The following SPEF2 variants were observed in gnomAD, a reference collection of about 807,000 sequenced individuals.
The protein encoded by SPEF2 is sperm flagella and cilia-associated protein 2.
A neutral mutation model predicts 224.6 loss-of-function variants in SPEF2; 187 were observed. The ratio of observed to expected loss-of-function variants is 0.83; its 90% CI spans 0.74 to 0.94. The LOEUF (loss-of-function observed/expected upper bound fraction) is 0.94. SPEF2 is among the 40% of genes least tolerant of loss of function. The pLI is 0.00. For missense variants in SPEF2, 2,170 were observed against 2,135.6 expected (o/e 1.02, Z -0.32); for synonymous variants, 715 against 707.3 (o/e 1.01, Z -0.17).
rs536748819 is a variant in SPEF2, at chr5:35,662,381, G to C, written c.1167+3174G>C. On this transcript the variant is annotated intron_variant, in intron 8 of 36. Transcript: ENST00000356031. Reference sequence around the variant, plus strand: ...ATTTTCTCCCATTCTGTAGGTTGTTGGTATACTCTGTCAACAGTTTCTTTT... The same window carrying C: ...ATTTTCTCCCATTCTGTAGGTTGTTCGTATACTCTGTCAACAGTTTCTTTT... Among the ~76,000 whole-genome samples, 3 of 151,954 alleles carry C rather than the reference G, an allele frequency of 2.0e-5. No individual in the cohort carries two copies. The East Asian group carries it at 5.8e-4, about 29-fold the overall frequency.
intron 23 of SPEF2, among the ~76,000 whole-genome samples, chr5:35,748,153 C>A (rs1322960348): frequency 6.6e-6 from 1 of 151,926 alleles, no homozygotes; most frequent in Admixed American, 6.6e-5. Flanking sequence ...GTGACACAAC[C>A]TACCAAAACC....
intron 7 of SPEF2, among the ~76,000 whole-genome samples, chr5:35,655,539 C>T (rs1043251703): frequency 6.6e-6 from 1 of 152,134 alleles, no homozygotes; most frequent in African/African-American, 2.4e-5. Context: ...GAGAAGTCCA[C>T]CTGGCTTGCT....
At chr5:35,663,241 A>T (rs1264098973) in intron 8 of SPEF2, among the ~76,000 whole-genome samples, 1 of 152,100 alleles carries the variant, frequency 6.6e-6, no homozygotes, top group Non-Finnish European at 1.5e-5. Flanking sequence ...AGACAATTTC[A>T]TCCACAACCA....
rs1469596430 is a variant in SPEF2, at chr5:35,659,072, G to A, written c.1032G>A (p.Gln344=). 1.9e-6 allele frequency: 3 copies of A among 1,608,568 alleles called. No individual in the cohort carries two copies. The highest frequency in any genetic ancestry group is 2.5e-6 in the Non-Finnish European group (3 of 1,176,548). ...LINRLMRQSQ[Q]ERRIAVQLMH... is the part of the protein sequence containing the mutation. ...ACCGGCTGATGCGGCAGTCCCAGCA[G>A]GAGCGCAGGATTGCCGTGCAGCTCA... Residue 344 remains glutamine (Q), a synonymous_variant, in exon 8 of 37, where the codon CAG becomes CAA. Coordinates refer to ENST00000356031, the MANE Select transcript of SPEF2 (RefSeq NM_024867.4).
intron 6 of SPEF2, among the ~76,000 whole-genome samples, chr5:35,651,704 C>G (rs1015292803): frequency 1.3e-5 from 2 of 152,148 alleles, no homozygotes; most frequent in Admixed American, 6.5e-5. Context: ...TAACTTGACT[C>G]CAGAAGGCAA....
chr5:35,787,744 A>AT, intron 30 of SPEF2: 1 of 510,462 alleles, frequency 2.0e-6, no homozygotes, highest in Non-Finnish European at 3.4e-6. Flanking sequence ...ATGCCTGGTA[A>AT]TTAATAAGCA....
intron 25 of SPEF2, among the ~76,000 whole-genome samples, chr5:35,762,639 C>T (rs1751470261): frequency 1.3e-5 from 2 of 152,302 alleles, no homozygotes; most frequent in Non-Finnish European, 1.5e-5. Context: ...CCTCTAGTTT[C>T]AACAGAGGCA....
At chr5:35,698,042 GGAATTCAATGA>G (rs1755586115) in intron 15 of SPEF2, 1 of 261,204 alleles carries the variant, frequency 3.8e-6, no homozygotes, top group South Asian at 8.6e-5. Context: ...TTACCTGTGG[GGAATTCAATGA>G]GAAATTGAGT....
chr5:35,793,851 C>T (rs1756296873), intron 32 of SPEF2, among the ~76,000 whole-genome samples: 1 of 151,762 alleles, frequency 6.6e-6, no homozygotes, highest in South Asian at 2.1e-4. Flanking sequence ...TTTGAAATAT[C>T]TGTGGGAAAT....
In SPEF2 at chr5:35,792,480, TA is replaced by T. The variant is rs768417178; in HGVS notation, c.4554+36del. ...CTATGTTGTTTGAGTTGTAAAGCTT[TA>T]AGCATTCTTATTTGATCAATGCATC... is the stretch of plus-strand genomic sequence containing the variant. On this transcript the variant is annotated intron_variant, in intron 31 of 36. Coordinates refer to ENST00000356031, the MANE Select transcript of SPEF2 (RefSeq NM_024867.4). 25 of 1,566,316 alleles carry T rather than the reference TA, an allele frequency of 1.6e-5. No homozygotes were observed. In the African/African-American group the frequency reaches 3.2e-4, roughly 20 times the overall value.
intron 4 of SPEF2, among the ~76,000 whole-genome samples, chr5:35,644,862 C>T (rs946737162): frequency 6.6e-6 from 1 of 152,210 alleles, no homozygotes; most frequent in Non-Finnish European, 1.5e-5. Context: ...GTCAAAGGCA[C>T]ATGACCATTG....
At chr5:35,736,524 A>G (rs1746626556) in intron 21 of SPEF2, among the ~76,000 whole-genome samples, 1 of 152,118 alleles carries the variant, frequency 6.6e-6, no homozygotes, top group Non-Finnish European at 1.5e-5. Flanking sequence ...AAACACTTAT[A>G]AAACCATCAT....
intron 34 of SPEF2, among the ~76,000 whole-genome samples, chr5:35,805,345 G>C (rs1033698969): frequency 3.3e-5 from 5 of 152,054 alleles, no homozygotes; most frequent in African/African-American, 1.2e-4. Context: ...ATTCCTTATA[G>C]GGACGTATGA....
intron 2 of SPEF2, among the ~76,000 whole-genome samples, chr5:35,637,791 T>C (rs918830794): frequency 2.0e-5 from 3 of 152,152 alleles, no homozygotes; most frequent in Non-Finnish European, 2.9e-5. Context: ...TCGCTCCCTC[T>C]GTACCTAGCC....
intron 20 of SPEF2, among the ~76,000 whole-genome samples, chr5:35,725,900 A>G (rs1248569331): frequency 6.6e-6 from 1 of 152,200 alleles, no homozygotes; most frequent in African/African-American, 2.4e-5. Context: ...GCTAATCCAT[A>G]GATTATTTTC....
At position 35,670,114 on chromosome 5, in the gene SPEF2, C is replaced by T; in HGVS notation, c.1411C>T (p.Pro471Ser). The change falls in exon 10 of 37, where the codon CCC (proline) becomes TCC (serine). Residue 471 changes from proline (P) to serine (S), a missense_variant. By Grantham distance (74) the Pro-to-Ser change is moderately conservative. Transcript: ENST00000356031. Reference sequence around the variant, plus strand: ...GAAGGAACTATTTTTTAATGCAAAACCCATATATGAACAAGCCTCTGTTAA... The same window carrying T: ...GAAGGAACTATTTTTTAATGCAAAATCCATATATGAACAAGCCTCTGTTAA... ...DWKELFFNAK[P>S]IYEQASVKTL... 1 of 1,611,260 alleles carries T rather than the reference C, an allele frequency of 6.2e-7. No individual in the cohort carries two copies. The highest frequency in any genetic ancestry group is 8.5e-7 in the Non-Finnish European group (1 of 1,178,598).
chr5:35,707,643 G>C (rs1740062247), intron 18 of SPEF2, among the ~76,000 whole-genome samples: 1 of 152,136 alleles, frequency 6.6e-6, no homozygotes, highest in East Asian at 1.9e-4. Context: ...CAGTCAGGGA[G>C]GGTGTGCCAG....
At chr5:35,699,914 A>T (rs1176846441) in intron 15 of SPEF2, 1 of 153,436 alleles carries the variant, frequency 6.5e-6, no homozygotes, top group African/African-American at 2.4e-5. Flanking sequence ...TCCAAATCTC[A>T]TCTTGAATTG....
At chr5:35,727,913 C>CT in intron 21 of SPEF2, 90 bp downstream of exon 21, 1 of 1,375,416 alleles carries the variant, frequency 7.3e-7, no homozygotes, top group African/African-American at 1.5e-5. Flanking sequence ...TCCTGAAGGC[C>CT]TTTTACAGCA....
Sources: allele counts gnomAD v4.1 joint callset (sites outside exome capture counted in the v4.1 genomes callset), GRCh38; gene constraint gnomAD v4.1.1; transcripts MANE v1.5; gene names NCBI Gene and HGNC (gene_info 2026-07-23, HGNC 2026-07-21).